The following MED12L variants were observed in gnomAD, a reference collection of about 807,000 sequenced individuals.
MED12L encodes mediator complex subunit 12L, also known as mediator of RNA polymerase II transcription subunit 12-like protein.
Under a neutral mutation model 281.3 loss-of-function variants are expected in MED12L, and 60 were observed. The ratio of observed to expected loss-of-function variants is 0.21; its 90% CI spans 0.17 to 0.26. The LOEUF (loss-of-function observed/expected upper bound fraction) is 0.26, where lower values mean the gene tolerates loss of function less well. Among genes scored for constraint, MED12L ranks in the 10% least tolerant of loss-of-function variants. MED12L has a pLI of 1.00. For synonymous variants in MED12L, 974 were observed against 987.2 expected, an observed-to-expected ratio of 0.99 and a Z score of 0.25; for missense variants, 2,146 against 2,680.9, an observed-to-expected ratio of 0.80 and a Z score of 4.41.
intron 4 of MED12L, among the ~76,000 whole-genome samples, chr3:151,126,083 G>A (rs1235393248): frequency 7.5e-6 from 1 of 134,154 alleles, no homozygotes; most frequent in Non-Finnish European, 1.6e-5. Context: ...TGATCTTGCT[G>A]TATTGCCCAG....
At chr3:151,201,930 A>C (rs751865786) in intron 16 of MED12L, among the ~76,000 whole-genome samples, 3 of 152,214 alleles carry the variant, frequency 2.0e-5, no homozygotes, top group Non-Finnish European at 2.9e-5. Context: ...TTGCACAACT[A>C]TAAAATAAGT....
At chr3:151,419,081 G>T (rs565162239) in intron 43 of MED12L, among the ~76,000 whole-genome samples, 6 of 152,228 alleles carry the variant, frequency 3.9e-5, no homozygotes, top group African/African-American at 1.2e-4. Flanking sequence ...GTAAATTATT[G>T]TAAACCACTG....
At chr3:151,277,421 T>G (rs1024470753) in intron 16 of MED12L, among the ~76,000 whole-genome samples, 3 of 152,218 alleles carry the variant, frequency 2.0e-5, no homozygotes, top group East Asian at 1.9e-4. Context: ...GCTAGGTTTT[T>G]TTTTAGTGCT....
Position 151,284,286 on chromosome 3 carries a change from G to GT in MED12L, c.2251-65762dup, listed in dbSNP as rs796278950. On this transcript the variant is annotated intron_variant, in intron 16 of 44. Transcript: ENST00000687756. ...GGTGATCACATGTAGAGTTTTGTTT[G>GT]TTTTTTTTTTTCTACCCAAAGAATA... Among the ~76,000 whole-genome samples, 317 of 145,960 alleles carry GT rather than the reference G, an allele frequency of 2.2e-3. 2 individuals carry two copies. The highest frequency in any genetic ancestry group is 2.8e-3 in the African/African-American group (112 of 39,914).
At chr3:151,172,512 A>G (rs1369620172) in intron 11 of MED12L, among the ~76,000 whole-genome samples, 1 of 152,250 alleles carries the variant, frequency 6.6e-6, no homozygotes, top group African/African-American at 2.4e-5. Context: ...CATAAGGCAC[A>G]GCCAGGATCT....
intron 8 of MED12L, among the ~76,000 whole-genome samples, chr3:151,163,662 T>C (rs1292115371): frequency 6.6e-6 from 1 of 152,240 alleles, no homozygotes; most frequent in African/African-American, 2.4e-5. Flanking sequence ...TATTAGCTTA[T>C]GAATTATTCC....
chr3:151,355,828 A>G (rs1753847951), intron 18 of MED12L, 68 bp from the exon 19 acceptor site: 2 of 1,400,772 alleles, frequency 1.4e-6, no homozygotes, highest in African/African-American at 1.5e-5. Context: ...AAAAGTAAAA[A>G]TGATTTATCT....
chr3:151,351,416 G>C (rs1753221207), intron 17 of MED12L, among the ~76,000 whole-genome samples: 1 of 152,136 alleles, frequency 6.6e-6, no homozygotes, highest in Non-Finnish European at 1.5e-5. Context: ...TCCATTCCCA[G>C]TTAAGGGCTT....
At chr3:151,140,401 TTCTCCCCCTC>T (rs2148860182) in intron 5 of MED12L, among the ~76,000 whole-genome samples, 1 of 152,324 alleles carries the variant, frequency 6.6e-6, no homozygotes, top group Admixed American at 6.5e-5. Context: ...CAACTCCCCT[TTCTCCCCCTC>T]CACCAGCCTC....
intron 38 of MED12L, among the ~76,000 whole-genome samples, chr3:151,392,682 C>G (rs1213399579): frequency 1.3e-5 from 2 of 151,978 alleles, no homozygotes; most frequent in Non-Finnish European, 2.9e-5. Flanking sequence ...TGTATCTTTC[C>G]TAATCTTTCT....
chr3:151,195,863 A>G (rs2149119430), intron 16 of MED12L, among the ~76,000 whole-genome samples: 1 of 152,358 alleles, frequency 6.6e-6, no homozygotes, highest in Non-Finnish European at 1.5e-5. Flanking sequence ...ACTTCTCTGT[A>G]AATCGGAAAT....
At position 151,385,992 on chromosome 3, in the gene MED12L, T is replaced by G. The variant is rs571911976; in HGVS notation, c.5088+801T>G. On this transcript the variant is annotated intron_variant, in intron 36 of 44. Transcript: ENST00000687756. ...CAGACAATTACAGTGTAATGAGATTTGTGTGACATGGTACAGAGAGAGTAT... is the reference window on the plus strand; with the variant it reads ...CAGACAATTACAGTGTAATGAGATTGGTGTGACATGGTACAGAGAGAGTAT... 3.9e-5 allele frequency among the ~76,000 whole-genome samples: 6 copies of G among 152,202 alleles called. No homozygotes were observed. The South Asian group carries it at 8.3e-4, about 21-fold the overall frequency.
chr3:151,290,781 T>G (rs1034645793), intron 16 of MED12L, among the ~76,000 whole-genome samples: 3 of 152,338 alleles, frequency 2.0e-5, no homozygotes, highest in Non-Finnish European at 2.9e-5. Flanking sequence ...AGGAAAACTT[T>G]AGCAAAGTGC....
At chr3:151,298,988 C>T (rs1229972538) in intron 16 of MED12L, among the ~76,000 whole-genome samples, 1 of 152,154 alleles carries the variant, frequency 6.6e-6, no homozygotes, top group East Asian at 1.9e-4. Context: ...AAATGGAATA[C>T]ATAGCTGTCT....
At chr3:151,333,121 C>G (rs1350056760) in intron 16 of MED12L, among the ~76,000 whole-genome samples, 3 of 152,110 alleles carry the variant, frequency 2.0e-5, no homozygotes, top group Non-Finnish European at 4.4e-5. Flanking sequence ...GTATATGTAC[C>G]ACATTTTCTT....
At chr3:151,313,639 A>G (rs998476602) in intron 16 of MED12L, among the ~76,000 whole-genome samples, 5 of 152,058 alleles carry the variant, frequency 3.3e-5, no homozygotes. Context: ...GGGTCAAGAG[A>G]TTGAGACCAT....
chr3:151,117,692 A>T (rs1192118283), intron 3 of MED12L, among the ~76,000 whole-genome samples: 1 of 147,016 alleles, frequency 6.8e-6, no homozygotes, highest in Admixed American at 6.8e-5. Context: ...TTTCTACAAT[A>T]CTTTTTGCCC....
At chr3:151,288,092 G>C (rs1423311297) in intron 16 of MED12L, among the ~76,000 whole-genome samples, 2 of 152,138 alleles carry the variant, frequency 1.3e-5, no homozygotes, top group African/African-American at 2.4e-5. Flanking sequence ...AATGGCTCAG[G>C]AATCCAATCA....
Position 151,435,173 on chromosome 3 carries a change from T to C in MED12L, c.*2369T>C, listed in dbSNP as rs998953415. 2 of 148,214 alleles carry C rather than the reference T, an allele frequency of 1.3e-5. No homozygotes were observed. The highest frequency in any genetic ancestry group is 2.5e-5 in the African/African-American group (1 of 39,948). The allele number at this position is 148,214 out of a possible 1,614,324, so 9.2% of individuals were successfully genotyped here. A position where few individuals can be genotyped will look rare whatever the true frequency, so the allele number is the denominator to read the frequency against. On this transcript the variant is annotated 3_prime_UTR_variant, in exon 45 of 45. Coordinates refer to ENST00000687756, the MANE Select transcript of MED12L (RefSeq NM_001393769.1). ...GGTACTTTACCTTACCAGAGGAAATTACCTTAGAATAAGATGGAGCGAGAC... is the reference window on the plus strand; with the variant it reads ...GGTACTTTACCTTACCAGAGGAAATCACCTTAGAATAAGATGGAGCGAGAC...
Sources: gnomAD v4.1 joint callset for allele counts (sites outside exome capture counted in the v4.1 genomes callset) on GRCh38, gnomAD v4.1.1 for gene constraint, MANE v1.5 for transcripts, NCBI Gene and HGNC (gene_info 2026-07-23, HGNC 2026-07-21) for gene names.